The following LRP2 variants were observed in gnomAD, a reference collection of about 807,000 sequenced individuals.
LRP2 encodes the protein low-density lipoprotein receptor-related protein 2.
In LRP2, 172 loss-of-function variants were observed where a neutral mutation model predicts 531.0. The ratio of observed to expected loss-of-function variants is 0.32; its 90% CI spans 0.29 to 0.37. LRP2 has a LOEUF of 0.37. Among genes scored for constraint, LRP2 ranks in the 10% least tolerant of loss-of-function variants. The pLI, the probability that LRP2 is intolerant of heterozygous loss-of-function variation, is 1.00. For missense variants in LRP2, 5,167 were observed against 5,868.3 expected (o/e 0.88, Z 3.90); for synonymous variants, 1,992 against 2,027.6 (o/e 0.98, Z 0.47).
At chr2:169,149,859 A>C (rs1410028704) in intron 68 of LRP2, among the ~76,000 whole-genome samples, 1 of 151,980 alleles carries the variant, frequency 6.6e-6, no homozygotes, top group Non-Finnish European at 1.5e-5. Context: ...AAAAAAAAAG[A>C]ATTTCTATGA....
rs749636120 is a variant in LRP2 at position 169,169,696 on chromosome 2, A to T, written c.11497+6T>A. ...AGCAGTACTACATATGTGTCTAGGG[A>T]CTTACGACAATCAGCTTCATCAGAC... On this transcript the variant is annotated splice_donor_region_variant and intron_variant, in intron 60 of 78. Coordinates refer to ENST00000649046, the MANE Select transcript of LRP2 (RefSeq NM_004525.3). 8.1e-6 allele frequency: 13 copies of T among 1,610,508 alleles called. No homozygotes were observed. The highest frequency in any genetic ancestry group is 1.7e-5 in the Admixed American group (1 of 59,980).
At position 169,233,510 on chromosome 2, in the gene LRP2, G is replaced by T. The variant is rs867941074; in HGVS notation, c.4999C>A (p.Arg1667=). Residue 1667 remains arginine, a synonymous_variant, in exon 30 of 79, where the codon CGA becomes AGA. Coordinates refer to ENST00000649046, the MANE Select transcript of LRP2 (RefSeq NM_004525.3). ...TTCCCTCCATGCCACTTGTTGGCTC[G>T]CATAACCCGACGAGTAGCACGGTCA... ...WTDRATRRVM[R]ANKWHGGNQS... 1 of 1,614,012 alleles carries T rather than the reference G, an allele frequency of 6.2e-7. No individual in the cohort carries two copies.
intron 47 of LRP2, 63 bp from the exon 48 acceptor site, chr2:169,192,096 T>A: frequency 1.5e-6 from 2 of 1,295,536 alleles, no homozygotes; most frequent in Non-Finnish European, 2.2e-6. Flanking sequence ...TAATTCTCTT[T>A]GCTTTAATGT....
Position 169,176,444 on chromosome 2 carries a change from G to T in LRP2, c.10538C>A (p.Ser3513Tyr), listed in dbSNP as rs751275893. ...GTTAGCGCACAGGAACTGGGTGCTG[G>T]AGCACATGGGCATGCAGTAGGTGCT... is the stretch of plus-strand genomic sequence containing the variant. ...SGSTYCMPMC[S>Y]STQFLCANNE... is the part of the protein sequence containing the mutation. The change falls in exon 54 of 79, where the codon TCC becomes TAC. Residue 3513 changes from serine (S) to tyrosine (Y), a missense_variant. Physicochemically the swap from Ser to Tyr is moderately radical, Grantham distance 144. This residue lies in a region of LRP2 where 311 missense variants were observed against 309.4 expected (regional missense o/e 1.01). Coordinates refer to ENST00000649046, the MANE Select transcript of LRP2 (RefSeq NM_004525.3). 36 of 1,614,042 alleles carry T rather than the reference G, an allele frequency of 2.2e-5. No homozygotes were observed. The South Asian group carries it at 3.8e-4, about 17-fold the overall frequency.
In LRP2 at chr2:169,243,488, A is replaced by G; in HGVS notation, c.3465T>C (p.Asn1155=). The G allele has an allele frequency of 6.2e-7, 1 of 1,614,196 alleles. No individual in the cohort carries two copies. The highest frequency in any genetic ancestry group is 8.5e-7 in the Non-Finnish European group (1 of 1,180,018). ...GGTCAATACATCGATGATTGGGGCA[A>G]TTAAACTGACTAGGTTGGCATGTCT... ...STETCQPSQF[N]CPNHRCIDLS... is the part of the protein sequence containing the mutation. Residue 1155 remains asparagine, a synonymous_variant, in exon 23 of 79, where the codon AAT becomes AAC. Coordinates refer to ENST00000649046, the MANE Select transcript of LRP2 (RefSeq NM_004525.3).
Position 169,259,579 on chromosome 2 carries a change from C to T in LRP2, c.2321-362G>A, listed in dbSNP as rs147919094. Reference sequence around the variant, plus strand: ...GAGTTCACCTACTACCACCCGGAGACGGCTCTGATAAGCTGACACCACCAG... The same window carrying T: ...GAGTTCACCTACTACCACCCGGAGATGGCTCTGATAAGCTGACACCACCAG... On this transcript the variant is annotated intron_variant, in intron 16 of 78. Coordinates refer to ENST00000649046, the MANE Select transcript of LRP2 (RefSeq NM_004525.3). 1.6e-4 allele frequency among the ~76,000 whole-genome samples: 24 copies of T among 152,054 alleles called. No individual in the cohort carries two copies. In the South Asian group the frequency reaches 2.1e-3, roughly 13 times the overall value.
At chr2:169,162,670 GAGAC>G in intron 62 of LRP2, 70 bp from the exon 63 acceptor site, 1 of 1,498,754 alleles carries the variant, frequency 6.7e-7, no homozygotes, top group Non-Finnish European at 9.2e-7. Flanking sequence ...TTCTTTGACA[GAGAC>G]AGTTTGTGCT....
chr2:169,254,643 T>TTA (rs1553503781), intron 19 of LRP2, among the ~76,000 whole-genome samples: 1 of 73,274 alleles, frequency 1.4e-5, no homozygotes, highest in Non-Finnish European at 2.5e-5. Flanking sequence ...TAGAGTATAA[T>TTA]AAAAAAAAAA....
At position 169,185,773 on chromosome 2, in the gene LRP2, C is replaced by T. The variant is rs753667280; in HGVS notation, c.9575G>A (p.Arg3192Gln). 25 of 1,613,422 alleles carry T rather than the reference C, an allele frequency of 1.5e-5. No individual in the cohort carries two copies. The highest frequency in any genetic ancestry group is 2.0e-5 in the Non-Finnish European group (24 of 1,179,870). Residue 3192 changes from arginine (R) to glutamine (Q), a missense_variant, in exon 50 of 79, where the codon CGG becomes CAG. By Grantham distance (43) the Arg-to-Gln change is conservative (BLOSUM62 1). This residue lies in a region of LRP2 where 1,129 missense variants were observed against 1,362.7 expected (regional missense o/e 0.83). Transcript: ENST00000649046. ...ATAGGGTTCGATGTTACTGTTTTGCCGGCAGGTCTTTCCATCTGGTTCTCG... is the reference window on the plus strand; with the variant it reads ...ATAGGGTTCGATGTTACTGTTTTGCTGGCAGGTCTTTCCATCTGGTTCTCG... ...YLREPDGKTCRQNSNIEPYLI... is the reference protein window; with the variant it reads ...YLREPDGKTCQQNSNIEPYLI...
In LRP2 at chr2:169,198,884, G is replaced by A; in HGVS notation, c.8480C>T (p.Thr2827Ile). The change falls in exon 45 of 79, where the codon ACA becomes ATA. Residue 2827 changes from threonine (T) to isoleucine (I), a missense_variant. Thr to Ile is a moderately conservative substitution (Grantham distance 89). This residue lies in a region of LRP2 where 1,129 missense variants were observed against 1,362.7 expected (regional missense o/e 0.83). Transcript: ENST00000649046. ...ACAAATATTTGAATTATGACATTTT[G>A]TGTATCCAGACTGGCAAGTGCGATC... ...CPDRTCQSGY[T>I]KCHNSNICIP... 1 of 1,613,770 alleles carries A rather than the reference G, an allele frequency of 6.2e-7. No homozygotes were observed. Among genetic ancestry groups the A allele is most frequent in the South Asian group, 1.1e-5 (1 of 91,072 alleles).
At chr2:169,231,624 T>C in intron 31 of LRP2, 90 bp downstream of exon 31, 2 of 1,504,156 alleles carry the variant, frequency 1.3e-6, no homozygotes, top group South Asian at 2.3e-5. Flanking sequence ...ACAGCACATG[T>C]TCAGTCGCAA....
chr2:169,278,885 A>G (rs1683625582), intron 12 of LRP2, among the ~76,000 whole-genome samples: 1 of 152,238 alleles, frequency 6.6e-6, no homozygotes, highest in African/African-American at 2.4e-5. Context: ...AACAACTTGT[A>G]ATGAGATATT....
At chr2:169,212,559 A>AT (rs1480672975) in intron 36 of LRP2, among the ~76,000 whole-genome samples, 1 of 152,024 alleles carries the variant, frequency 6.6e-6, no homozygotes, top group African/African-American at 2.4e-5. Context: ...CAATAATGTG[A>AT]TTTTTTTTAA....
At position 169,141,344 on chromosome 2, in the gene LRP2, A is replaced by G. The variant is rs57400476; in HGVS notation, c.13109-799T>C. Among the ~76,000 whole-genome samples the G allele has an allele frequency of 7.8e-3, 1,185 of 152,214 alleles. 13 individuals are homozygous for G. Among genetic ancestry groups the G allele is most frequent in the African/African-American group, 0.026 (1,099 of 41,508 alleles). On this transcript the variant is annotated intron_variant, in intron 71 of 78. Coordinates refer to ENST00000649046, the MANE Select transcript of LRP2 (RefSeq NM_004525.3). ...CTCTTCCTCTGCCTTCATTTTCTCC[A>G]TAGTACCACCTGAACTACCATGTAT...
At chr2:169,279,121 A>G (rs1683631683) in intron 12 of LRP2, among the ~76,000 whole-genome samples, 2 of 152,208 alleles carry the variant, frequency 1.3e-5, no homozygotes, top group African/African-American at 4.8e-5. Context: ...TAAAATTCAT[A>G]GCCCCAAAAC....
chr2:169,175,603 C>A, intron 54 of LRP2, among the ~76,000 whole-genome samples: 1 of 151,368 alleles, frequency 6.6e-6, no homozygotes, highest in Non-Finnish European at 1.5e-5. Context: ...CAAATACAAA[C>A]TGAAAATGTG....
chr2:169,151,877 C>G (rs1686150120), intron 67 of LRP2, among the ~76,000 whole-genome samples: 1 of 152,110 alleles, frequency 6.6e-6, no homozygotes, highest in Non-Finnish European at 1.5e-5. Flanking sequence ...AGCCTGCAGG[C>G]ACAGCGGGAC....
chr2:169,235,863 T>C lies in LRP2; in HGVS notation c.4897A>G (p.Arg1633Gly). 6.2e-7 allele frequency: 1 copy of C among 1,614,140 alleles called. No individual in the cohort carries two copies. The highest frequency in any genetic ancestry group is 8.5e-7 in the Non-Finnish European group (1 of 1,179,978). ...ACCAAATCACTGGCTATCACCTGTCTCCGATGGTGTCCATTATAATCACAA... is the reference window on the plus strand; with the variant it reads ...ACCAAATCACTGGCTATCACCTGTCCCCGATGGTGTCCATTATAATCACAA... ...DFCDYNGHHR[R>G]QVIASDLIIR... Residue 1633 changes from arginine to glycine, a missense_variant, in exon 29 of 79, where the codon AGA becomes GGA. Around this residue, in one of 6 missense-constraint regions of LRP2, gnomAD observed 2,811 missense variants for 3,058.0 expected, o/e 0.92. Coordinates refer to ENST00000649046, the MANE Select transcript of LRP2 (RefSeq NM_004525.3).
chr2:169,345,766 A>C (rs539457097), intron 1 of LRP2, among the ~76,000 whole-genome samples: 4 of 152,228 alleles, frequency 2.6e-5, no homozygotes, highest in East Asian at 3.9e-4. Context: ...AAAAAAAAAA[A>C]AAAAACGAGC....
Sources: allele counts gnomAD v4.1 joint callset (sites outside exome capture counted in the v4.1 genomes callset), GRCh38; gene constraint gnomAD v4.1.1; regional missense constraint gnomAD v4.1.1; transcripts MANE v1.5; gene names NCBI Gene and HGNC (gene_info 2026-07-23, HGNC 2026-07-21).